Variants in HMOX2 observed in about 807,000 individuals in gnomAD.
HMOX2 encodes heme oxygenase (decycling) 2.
In HMOX2, 30 loss-of-function variants were observed where a neutral mutation model predicts 33.7. The observed-to-expected ratio is 0.89, with a 90% confidence interval of 0.67 to 1.21. The LOEUF (loss-of-function observed/expected upper bound fraction) is 1.21, where lower values mean the gene tolerates loss of function less well. Ranked by LOEUF, HMOX2 falls within the 50% of genes most tolerant of loss-of-function variation. The pLI is 0.00. For synonymous variants in HMOX2, 155 were observed against 155.0 expected (o/e 1.00, Z 0.00); for missense variants, 403 against 399.1 (o/e 1.01, Z -0.08).
At chr16:4,479,566 G>C (rs74005339) in intron 1 of HMOX2, 1 of 151,956 alleles carries the variant, frequency 6.6e-6, no homozygotes, top group East Asian at 1.9e-4. Flanking sequence ...ACTCAGCTTA[G>C]GGAAAAAATT....
chr16:4,474,785 G>A (rs2057768404), upstream of HMOX2: 1 of 152,348 alleles, frequency 6.6e-6, no homozygotes, highest in South Asian at 2.1e-4. Context: ...GGATGCTACG[G>A]GTGATGACTG....
intron 1 of HMOX2, among the ~76,000 whole-genome samples, chr16:4,486,474 T>C (rs2058170527): frequency 6.6e-6 from 1 of 152,192 alleles, no homozygotes; most frequent in Admixed American, 6.5e-5. Flanking sequence ...CTGTCCCTAA[T>C]ACAGGGTTAG....
At chr16:4,506,440 A>T (rs942496892) in intron 2 of HMOX2, among the ~76,000 whole-genome samples, 1 of 152,222 alleles carries the variant, frequency 6.6e-6, no homozygotes, top group African/African-American at 2.4e-5. Flanking sequence ...GGAGGAAGGC[A>T]GTAGGGCCAT....
At chr16:4,503,619 C>T (rs938740914) in intron 1 of HMOX2, among the ~76,000 whole-genome samples, 1 of 152,184 alleles carries the variant, frequency 6.6e-6, no homozygotes, top group Admixed American at 6.5e-5. Context: ...ACATGGTAGG[C>T]ATTGTGCTAT....
chr16:4,486,920 A>T (rs1184911494), intron 1 of HMOX2, among the ~76,000 whole-genome samples: 3 of 152,128 alleles, frequency 2.0e-5, no homozygotes, highest in Non-Finnish European at 4.4e-5. Flanking sequence ...ATGGAAGCTC[A>T]CTTATTTCCT....
intron 1 of HMOX2, among the ~76,000 whole-genome samples, chr16:4,483,211 GTGTGTGTGTGTGTT>G: frequency 1.3e-5 from 1 of 74,606 alleles, no homozygotes; most frequent in South Asian, 3.9e-4. Context: ...GTGTGTGTGT[GTGTGTGTGTGTGTT>G]TATGGAGGCT....
At chr16:4,482,684 C>T (rs909781758) in intron 1 of HMOX2, among the ~76,000 whole-genome samples, 2 of 152,122 alleles carry the variant, frequency 1.3e-5, no homozygotes, top group Admixed American at 6.6e-5. Flanking sequence ...TCACAGAACT[C>T]AGGAAAACAC....
chr16:4,507,071 C>A, intron 3 of HMOX2, 59 bp downstream of exon 3: 2 of 1,153,134 alleles, frequency 1.7e-6, no homozygotes, highest in South Asian at 1.2e-5. Context: ...GGGCCTTGGT[C>A]CCATGAGAAA....
chr16:4,492,927 C>G (rs2058338175), intron 1 of HMOX2, among the ~76,000 whole-genome samples: 1 of 152,190 alleles, frequency 6.6e-6, no homozygotes, highest in African/African-American at 2.4e-5. Flanking sequence ...GCCCCAGCTA[C>G]TCAGAAGGCT....
chr16:4,494,358 A>G (rs1277413521), intron 1 of HMOX2, among the ~76,000 whole-genome samples: 1 of 151,784 alleles, frequency 6.6e-6, no homozygotes, highest in Non-Finnish European at 1.5e-5. Context: ...AATTTAACAC[A>G]TTGACTGGGC....
At chr16:4,479,000 C>A (rs11076833) in intron 1 of HMOX2, among the ~76,000 whole-genome samples, 82,310 of 151,772 alleles carry the variant, frequency 0.54, 25,607 homozygotes, top group Non-Finnish European at 0.7. Flanking sequence ...ACTAAAAATA[C>A]AAAAATTAGC....
chr16:4,479,857 G>T (rs1159396401), intron 1 of HMOX2, among the ~76,000 whole-genome samples: 1 of 146,042 alleles, frequency 6.8e-6, no homozygotes, highest in Non-Finnish European at 1.5e-5. Context: ...TCCAGCCTCA[G>T]TCTCCTGAGT....
intron 1 of HMOX2, among the ~76,000 whole-genome samples, chr16:4,489,784 G>C (rs969768962): frequency 6.6e-6 from 1 of 151,940 alleles, no homozygotes; most frequent in Non-Finnish European, 1.5e-5. Flanking sequence ...TATAATTTTT[G>C]GGGGGAGGTA....
chr16:4,501,158 C>T (rs2058548901), intron 1 of HMOX2, among the ~76,000 whole-genome samples: 1 of 152,212 alleles, frequency 6.6e-6, no homozygotes, highest in South Asian at 2.1e-4. Flanking sequence ...CTGCCTTCCC[C>T]TCCCTCTTCC....
Position 4,509,941 on chromosome 16 carries a change from C to T in HMOX2, c.*185C>T, listed in dbSNP as rs569778963. ...AGCATCCTCTCTATGGGCCATATTC[C>T]GCACTGGGCACAGGCCGTCACCCTG... is the stretch of plus-strand genomic sequence containing the variant. On this transcript the variant is annotated 3_prime_UTR_variant, in exon 6 of 6. Coordinates refer to ENST00000570646, the MANE Select transcript of HMOX2 (RefSeq NM_002134.4). 4.7e-5 allele frequency: 31 copies of T among 666,230 alleles called. No individual in the cohort carries two copies. The South Asian group carries it at 4.8e-4, about 10-fold the overall frequency. The allele number at this position is 666,230 out of a possible 1,614,324, so 41.3% of individuals were successfully genotyped here.
At chr16:4,492,802 C>T (rs951993982) in intron 1 of HMOX2, among the ~76,000 whole-genome samples, 2 of 151,944 alleles carry the variant, frequency 1.3e-5, no homozygotes, top group Non-Finnish European at 2.9e-5. Context: ...TTTGGGAGGC[C>T]GAGGCGGGCG....
At chr16:4,502,883 C>T (rs908033873) in intron 1 of HMOX2, 1 of 152,600 alleles carries the variant, frequency 6.6e-6, no homozygotes, top group Non-Finnish European at 1.5e-5. Flanking sequence ...GTGGCTCCAT[C>T]TCGGCTCACT....
intron 1 of HMOX2, among the ~76,000 whole-genome samples, chr16:4,502,518 C>A (rs2058583297): frequency 6.6e-6 from 1 of 151,872 alleles, no homozygotes; most frequent in Admixed American, 6.6e-5. Flanking sequence ...TGTGTGTGTG[C>A]CCTCAGCCTG....
At chr16:4,485,725 A>G (rs528469528) in intron 1 of HMOX2, among the ~76,000 whole-genome samples, 15 of 151,894 alleles carry the variant, frequency 9.9e-5, no homozygotes, top group African/African-American at 3.6e-4. Flanking sequence ...TTTTGTTTTT[A>G]TTTTTGTTTT....
Sources: gnomAD v4.1 joint callset for allele counts (sites outside exome capture counted in the v4.1 genomes callset) on GRCh38, gnomAD v4.1.1 for gene constraint, MANE v1.5 for transcripts, NCBI Gene and HGNC (gene_info 2026-07-23, HGNC 2026-07-21) for gene names.